ROBO2: variants seen among roughly 807,000 people sequenced by gnomAD.
ROBO2 encodes roundabout homolog 2.
In ROBO2, 53 loss-of-function variants were observed where a neutral mutation model predicts 160.8. That is an observed-to-expected ratio of 0.33 (90% CI 0.26 to 0.41). The LOEUF is 0.41. Among genes scored for constraint, ROBO2 ranks in the 10% least tolerant of loss-of-function variants. The probability of loss-of-function intolerance (pLI) is 1.00; values close to 1 mark genes in which losing one functional copy is unlikely to be tolerated. For synonymous variants in ROBO2, 664 were observed against 611.7 expected (o/e 1.09, Z -1.26); for missense variants, 1,577 against 1,722.4 (o/e 0.92, Z 1.49).
intron 13 of ROBO2, among the ~76,000 whole-genome samples, chr3:77,573,766 C>T (rs536425051): frequency 2.0e-5 from 3 of 152,154 alleles, no homozygotes; most frequent in Admixed American, 1.3e-4. Context: ...TGCTTTGCCT[C>T]TGCTTCCCAA....
chr3:76,088,961 A>C (rs183255175), intron 2 of ROBO2, among the ~76,000 whole-genome samples: 7 of 152,094 alleles, frequency 4.6e-5, no homozygotes, highest in African/African-American at 1.7e-4. Context: ...AGAGAGAGAG[A>C]ATGAGAGAGA....
chr3:76,314,819 T>C (rs2071872071), intron 2 of ROBO2, among the ~76,000 whole-genome samples: 1 of 152,128 alleles, frequency 6.6e-6, no homozygotes, highest in Non-Finnish European at 1.5e-5. Context: ...TTATTAGTGG[T>C]TAAGTTTTGG....
rs559618680 is a variant in ROBO2, at chr3:76,431,933, C to T, written c.109+494331C>T. Among the ~76,000 whole-genome samples, 10 of 152,172 alleles carry T rather than the reference C, an allele frequency of 6.6e-5. 1 individual carries two copies. The South Asian group carries it at 2.1e-3, about 32-fold the overall frequency. On this transcript the variant is annotated intron_variant, in intron 2 of 26. Coordinates refer to the ROBO2 transcript ENST00000487694. ...ACACTGAAAGGTCAAAAATTAGATA[C>T]ATTGATCTGTATAAGAAATAAGAGA... is the stretch of plus-strand genomic sequence containing the variant.
chr3:76,352,390 T>A (rs2074931248), intron 2 of ROBO2, among the ~76,000 whole-genome samples: 1 of 152,022 alleles, frequency 6.6e-6, no homozygotes, highest in Non-Finnish European at 1.5e-5. Context: ...GCTCTCAATT[T>A]GTTTCATTCT....
chr3:77,254,440 CT>C lies in ROBO2; in HGVS notation c.388+156113del, dbSNP rs74266995. Among the ~76,000 whole-genome samples, 703 of 145,750 alleles carry C rather than the reference CT, an allele frequency of 4.8e-3. 4 individuals are homozygous for C. Among genetic ancestry groups the C allele is most frequent in the South Asian group, 9.8e-3 (45 of 4,596 alleles). On this transcript the variant is annotated intron_variant, in intron 2 of 25. Coordinates refer to ENST00000461745, the Ensembl canonical transcript of ROBO2. ...AATATATTAAGCAATTAAAATACTT[CT>C]TTTTTTTTTTTTACTTTTTGAGAGA...
chr3:76,935,354 A>G (rs1017210285), intron 2 of ROBO2, among the ~76,000 whole-genome samples: 12 of 152,188 alleles, frequency 7.9e-5, no homozygotes. Context: ...TAAGATTACG[A>G]TGATACAATA....
intron 2 of ROBO2, among the ~76,000 whole-genome samples, chr3:76,068,895 C>T (rs2068350406): frequency 6.6e-6 from 1 of 152,138 alleles, no homozygotes; most frequent in Admixed American, 6.5e-5. Flanking sequence ...ACATATTTGT[C>T]ACTTGGGTTC....
intron 2 of ROBO2, among the ~76,000 whole-genome samples, chr3:76,428,504 T>C (rs189867217): frequency 6.6e-6 from 1 of 151,724 alleles, no homozygotes; most frequent in Admixed American, 6.6e-5. Context: ...TTTTCACTGA[T>C]AAAAGGAGAG....
At chr3:75,991,426 G>T (rs2065565443) in intron 2 of ROBO2, among the ~76,000 whole-genome samples, 1 of 152,080 alleles carries the variant, frequency 6.6e-6, no homozygotes, top group Non-Finnish European at 1.5e-5. Flanking sequence ...AGATCTGATG[G>T]TTATAAATCA....
At chr3:77,255,261 A>T (rs989956401) in intron 2 of ROBO2, among the ~76,000 whole-genome samples, 4 of 152,206 alleles carry the variant, frequency 2.6e-5, no homozygotes, top group African/African-American at 9.6e-5. Context: ...CTGTAAATGT[A>T]AAGAAAAAAG....
chr3:76,317,880 A>G (rs765333956), intron 2 of ROBO2, among the ~76,000 whole-genome samples: 10 of 152,054 alleles, frequency 6.6e-5, no homozygotes, highest in Non-Finnish European at 1.5e-4. Context: ...GATAATGAAA[A>G]AAATGGTGCT....
chr3:76,885,996 A>G (rs1002214835), intron 2 of ROBO2, among the ~76,000 whole-genome samples: 1 of 152,098 alleles, frequency 6.6e-6, no homozygotes, highest in Non-Finnish European at 1.5e-5. Flanking sequence ...TGGAAACTGG[A>G]AAAGACTGAT....
At chr3:77,121,569 G>A (rs1339780880) in intron 2 of ROBO2, among the ~76,000 whole-genome samples, 1 of 151,920 alleles carries the variant, frequency 6.6e-6, no homozygotes, top group Admixed American at 6.6e-5. Context: ...TCTCCTATTT[G>A]AATAAAAGTC....
In ROBO2 at chr3:76,102,973, G is replaced by C. The variant is rs147976418; in HGVS notation, c.109+165371G>C. Among the ~76,000 whole-genome samples the C allele has an allele frequency of 5.5e-4, 84 of 151,992 alleles. 1 individual carries two copies. The highest frequency in any genetic ancestry group is 1.9e-3 in the African/African-American group (80 of 41,468). ...CCAACTAGCTGGGACTGCAGGCGCC[G>C]CCACCACGCCTGGATAATTTTTTGC... is the stretch of plus-strand genomic sequence containing the variant. On this transcript the variant is annotated intron_variant, in intron 2 of 26. Coordinates refer to the ROBO2 transcript ENST00000487694.
chr3:77,015,801 G>A (rs1162762376), intron 2 of ROBO2, among the ~76,000 whole-genome samples: 3 of 151,970 alleles, frequency 2.0e-5, no homozygotes, highest in Non-Finnish European at 2.9e-5. Context: ...ACAAACAACC[G>A]TCTCCTATCT....
At chr3:77,371,422 A>G (rs570566298) in intron 2 of ROBO2, among the ~76,000 whole-genome samples, 2 of 152,188 alleles carry the variant, frequency 1.3e-5, no homozygotes, top group African/African-American at 4.8e-5. Flanking sequence ...CTCTATCTAC[A>G]CTAGGTGTGA....
At chr3:77,040,481 G>T in exon 1 of ROBO2, 1 of 1,222,878 alleles carries the variant, frequency 8.2e-7, no homozygotes, top group Non-Finnish European at 1.0e-6. Context: ...CCTAAGGAGA[G>T]AGGGTTAGAC....
intron 2 of ROBO2, among the ~76,000 whole-genome samples, chr3:76,459,849 C>T (rs772835929): frequency 2.0e-5 from 3 of 152,044 alleles, no homozygotes; most frequent in Non-Finnish European, 4.4e-5. Context: ...ATAAAAGGAT[C>T]ACTTAAGTTC....
At chr3:76,757,472 G>C (rs1465997653) in intron 2 of ROBO2, among the ~76,000 whole-genome samples, 1 of 151,812 alleles carries the variant, frequency 6.6e-6, no homozygotes, top group East Asian at 2.0e-4. Flanking sequence ...AAGAAAACAG[G>C]GGGATGAGTT....
Sources: gnomAD v4.1 joint callset for allele counts (sites outside exome capture counted in the v4.1 genomes callset) on GRCh38, gnomAD v4.1.1 for gene constraint, MANE v1.5 for transcripts, NCBI Gene and HGNC (gene_info 2026-07-23, HGNC 2026-07-21) for gene names.